Variants in XRN1 observed in about 807,000 individuals in gnomAD.
XRN1 encodes the protein 5'-3' exoribonuclease 1.
A neutral mutation model predicts 222.3 loss-of-function variants in XRN1; 67 were observed. The observed-to-expected ratio is 0.30, with a 90% CI of 0.25 to 0.37. XRN1 has a LOEUF of 0.37. Among genes scored for constraint, XRN1 ranks in the 10% least tolerant of loss-of-function variants. The probability of loss-of-function intolerance (pLI) is 1.00; values close to 1 mark genes in which losing one functional copy is unlikely to be tolerated. For missense variants in XRN1, 1,707 were observed against 2,000.2 expected (o/e 0.85, Z 2.80); for synonymous variants, 643 against 652.4 (o/e 0.99, Z 0.22).
intron 33 of XRN1, among the ~76,000 whole-genome samples, chr3:142,344,018 G>C (rs1400145841): frequency 6.6e-6 from 1 of 150,946 alleles, no homozygotes; most frequent in Non-Finnish European, 1.5e-5. Context: ...TCATTTATTT[G>C]TGGGAGCTAA....
At chr3:142,326,129 C>T (rs979769310) in intron 37 of XRN1, among the ~76,000 whole-genome samples, 8 of 150,618 alleles carry the variant, frequency 5.3e-5, no homozygotes, top group Non-Finnish European at 8.9e-5. Context: ...TATTCAGGAT[C>T]GTGTGCGGTT....
chr3:142,410,320 T>C (rs1240302522), intron 15 of XRN1, among the ~76,000 whole-genome samples: 1 of 152,100 alleles, frequency 6.6e-6, no homozygotes, highest in Admixed American at 6.6e-5. Context: ...AACTGGATGT[T>C]TGTGAAAAAA....
intron 25 of XRN1, among the ~76,000 whole-genome samples, chr3:142,372,586 G>C (rs574219249): frequency 1.4e-4 from 22 of 152,302 alleles, no homozygotes; most frequent in African/African-American, 5.3e-4. Context: ...TTGATTTGCG[G>C]CTGTTGTGGG....
intron 37 of XRN1, among the ~76,000 whole-genome samples, chr3:142,322,682 A>C (rs1482851904): frequency 2.0e-5 from 3 of 148,742 alleles, no homozygotes; most frequent in African/African-American, 7.9e-5. Context: ...TCCCCAAACA[A>C]ACAAACAAAA....
intron 33 of XRN1, among the ~76,000 whole-genome samples, chr3:142,343,517 C>G (rs999456452): frequency 1.3e-5 from 2 of 151,006 alleles, no homozygotes; most frequent in African/African-American, 4.9e-5. Flanking sequence ...AAATGCAAAT[C>G]AAAACTATAA....
chr3:142,367,937 T>A (rs2066869072), intron 27 of XRN1, among the ~76,000 whole-genome samples: 2 of 9,002 alleles, frequency 2.2e-4, no homozygotes, highest in Non-Finnish European at 3.7e-4. Context: ...AGTAACATAA[T>A]CCTGAAAGAA....
rs145849565 is a variant in XRN1, at chr3:142,421,037, G to A, written c.1152C>T (p.Tyr384=). 13 of 1,613,808 alleles carry A rather than the reference G, an allele frequency of 8.1e-6. No individual in the cohort carries two copies. Among genetic ancestry groups the A allele is most frequent in the African/African-American group, 5.3e-5 (4 of 74,904 alleles). The change falls in exon 10 of 41, where the codon TAC becomes TAT. Residue 384 remains tyrosine (Y), a synonymous_variant. Transcript: ENST00000392981. ...ACACCTTTAACTTTTTCTTTTCCTT[G>A]TAGTTCCTGGCTTCTTCTGCTGCGA... ...AGVAAEEARN[Y]KEKKKLKGQE...
chr3:142,314,865 A>G (rs556186962), intron 39 of XRN1, among the ~76,000 whole-genome samples: 27 of 128,702 alleles, frequency 2.1e-4, no homozygotes, highest in African/African-American at 7.7e-4. Flanking sequence ...TGATCATGCC[A>G]CTGCACTCCA....
chr3:142,399,695 C>T (rs146355599), intron 19 of XRN1, among the ~76,000 whole-genome samples: 15 of 151,820 alleles, frequency 9.9e-5, no homozygotes, highest in Non-Finnish European at 1.6e-4. Context: ...GCACTGACTT[C>T]TCATCAACAT....
chr3:142,400,831 C>T (rs746467903), intron 18 of XRN1, among the ~76,000 whole-genome samples: 2 of 152,088 alleles, frequency 1.3e-5, no homozygotes, highest in African/African-American at 2.4e-5. Flanking sequence ...GCAGCAGAAT[C>T]GCTTGAACCC....
intron 32 of XRN1, among the ~76,000 whole-genome samples, chr3:142,354,775 C>A (rs2066414395): frequency 6.6e-6 from 1 of 152,118 alleles, no homozygotes; most frequent in Admixed American, 6.5e-5. Flanking sequence ...CAGTGATCCA[C>A]CCACCCCAGC....
At chr3:142,436,879 T>C (rs2069936630) in intron 1 of XRN1, among the ~76,000 whole-genome samples, 1 of 152,186 alleles carries the variant, frequency 6.6e-6, no homozygotes, top group Non-Finnish European at 1.5e-5. Context: ...GGGTCAACCA[T>C]GGATGATGAA....
chr3:142,313,782 C>T (rs1480139309), intron 39 of XRN1, among the ~76,000 whole-genome samples: 1 of 152,006 alleles, frequency 6.6e-6, no homozygotes, highest in Non-Finnish European at 1.5e-5. Flanking sequence ...GCCTGTAATC[C>T]CAGCACTTTG....
intron 1 of XRN1, among the ~76,000 whole-genome samples, chr3:142,433,843 T>C (rs2069738161): frequency 6.6e-6 from 1 of 152,184 alleles, no homozygotes; most frequent in Non-Finnish European, 1.5e-5. Flanking sequence ...CACGTACAAG[T>C]AACAATATAT....
At chr3:142,371,928 T>C (rs564214587) in intron 25 of XRN1, among the ~76,000 whole-genome samples, 224 of 152,272 alleles carry the variant, frequency 1.5e-3, no homozygotes, top group African/African-American at 4.5e-3. Flanking sequence ...ACTGGATGAA[T>C]GAATATTATC....
At position 142,447,799 on chromosome 3, in the gene XRN1, G is replaced by T; in HGVS notation, c.75+71C>A. On this transcript the variant is annotated intron_variant, in intron 1 of 40. Transcript: ENST00000392981. This position sits in a 1 kb window ranked among gnomAD's most constrained non-coding sequence, Gnocchi z 4.2. ...GGAAAGAGGTGGCTCGAAAGCCCCA[G>T]CTCTAAGGTGGAGAGGGCCGCGGAG... 6.4e-7 allele frequency: 1 copy of T among 1,557,370 alleles called. No individual in the cohort carries two copies. The highest frequency in any genetic ancestry group is 8.8e-7 in the Non-Finnish European group (1 of 1,135,320).
intron 32 of XRN1, among the ~76,000 whole-genome samples, chr3:142,354,774 A>C (rs1257274686): frequency 6.6e-6 from 1 of 151,902 alleles, no homozygotes; most frequent in Non-Finnish European, 1.5e-5. Context: ...CCAGTGATCC[A>C]CCCACCCCAG....
intron 33 of XRN1, among the ~76,000 whole-genome samples, chr3:142,345,354 A>C (rs1478687020): frequency 6.6e-6 from 1 of 152,222 alleles, no homozygotes; most frequent in Non-Finnish European, 1.5e-5. Context: ...CATGCAGAAG[A>C]ATGAATATGA....
At chr3:142,348,113 G>C (rs2066201245) in intron 32 of XRN1, among the ~76,000 whole-genome samples, 2 of 151,994 alleles carry the variant, frequency 1.3e-5, no homozygotes, top group South Asian at 4.1e-4. Context: ...AATAGTACTG[G>C]ACTAGAGCAT....
Sources: allele counts gnomAD v4.1 joint callset (sites outside exome capture counted in the v4.1 genomes callset), GRCh38; gene constraint gnomAD v4.1.1; non-coding constraint Gnocchi (gnomAD v3.1); transcripts MANE v1.5; gene names NCBI Gene and HGNC (gene_info 2026-07-23, HGNC 2026-07-21).